The following NFYC variants were observed in gnomAD, a reference collection of about 807,000 sequenced individuals.
The protein encoded by NFYC is nuclear transcription factor Y subunit gamma, also known as CAAT box DNA-binding protein subunit C.
Under a neutral mutation model 53.1 loss-of-function variants are expected in NFYC, and 25 were observed. The observed-to-expected ratio is 0.47, with a 90% CI of 0.34 to 0.66. NFYC has a LOEUF of 0.66. Among genes scored for constraint, NFYC ranks in the 30% least tolerant of loss-of-function variants. The pLI, the probability that NFYC is intolerant of heterozygous loss-of-function variation, is 0.01. For missense variants in NFYC, 260 were observed against 422.7 expected (o/e 0.62, Z 3.38); for synonymous variants, 145 against 152.6 (o/e 0.95, Z 0.37).
chr1:40,703,495 G>A (rs199681565), intron 1 of NFYC, among the ~76,000 whole-genome samples: 1,883 of 36,894 alleles, frequency 0.051, 7 homozygotes, highest in Middle Eastern at 0.083. Context: ...AAAAAAAAAA[G>A]AATATGAAGC....
At chr1:40,704,685 A>G (rs1266096466) in intron 1 of NFYC, among the ~76,000 whole-genome samples, 1 of 152,228 alleles carries the variant, frequency 6.6e-6, no homozygotes, top group Non-Finnish European at 1.5e-5. Flanking sequence ...AGACCTTCAT[A>G]GAGTGTTAAA....
intron 1 of NFYC, among the ~76,000 whole-genome samples, chr1:40,731,597 G>A (rs1272418506): frequency 6.6e-6 from 1 of 152,018 alleles, no homozygotes; most frequent in South Asian, 2.1e-4. Flanking sequence ...CGATTCCCCC[G>A]CCTCAGCCTC....
intron 3 of NFYC, 56 bp downstream of exon 3, chr1:40,747,661 A>T: frequency 8.7e-7 from 1 of 1,145,608 alleles, no homozygotes; most frequent in Non-Finnish European, 1.3e-6. Context: ...TGGGTAGGTT[A>T]TTGCTCATTT....
At chr1:40,752,887 C>A (rs1473373569) in intron 4 of NFYC, among the ~76,000 whole-genome samples, 3 of 152,000 alleles carry the variant, frequency 2.0e-5, no homozygotes, top group Admixed American at 2.0e-4. Context: ...GGGAGAGGAT[C>A]AAGCAGGAGT....
At chr1:40,745,804 A>G (rs368767568) in intron 2 of NFYC, among the ~76,000 whole-genome samples, 1 of 152,172 alleles carries the variant, frequency 6.6e-6, no homozygotes, top group African/African-American at 2.4e-5. Flanking sequence ...GTAGGGGATT[A>G]TAATGTTTTT....
chr1:40,759,581 G>A (rs1468712950), intron 6 of NFYC, among the ~76,000 whole-genome samples: 2 of 146,152 alleles, frequency 1.4e-5, no homozygotes, highest in East Asian at 2.1e-4. Flanking sequence ...GTGTGTATGT[G>A]TGTGTGTATT....
intron 1 of NFYC, among the ~76,000 whole-genome samples, chr1:40,734,560 C>T (rs925197981): frequency 2.0e-5 from 3 of 151,782 alleles, no homozygotes; most frequent in Admixed American, 6.6e-5. Context: ...GAGGTTTCAC[C>T]ATGTTGGCCA....
At chr1:40,739,764 G>A (rs1645240182) in intron 2 of NFYC, among the ~76,000 whole-genome samples, 1 of 152,222 alleles carries the variant, frequency 6.6e-6, no homozygotes, top group African/African-American at 2.4e-5. Flanking sequence ...AAGTCAAGGA[G>A]CACAGAGGAC....
chr1:40,733,535 A>G (rs2148563925), intron 1 of NFYC, among the ~76,000 whole-genome samples: 1 of 150,940 alleles, frequency 6.6e-6, no homozygotes, highest in South Asian at 2.1e-4. Context: ...AATGAAGAGG[A>G]TCCTGGAATG....
intron 1 of NFYC, among the ~76,000 whole-genome samples, chr1:40,694,979 G>T (rs892905389): frequency 6.6e-6 from 1 of 152,124 alleles, no homozygotes; most frequent in Non-Finnish European, 1.5e-5. Flanking sequence ...GAGACTGGGC[G>T]CAGTGGCTCA....
rs1207311984 is a variant in NFYC at position 40,694,649 on chromosome 1, C to CT, written c.-9+2792dup. 5.2e-3 allele frequency among the ~76,000 whole-genome samples: 775 copies of CT among 148,820 alleles called. 5 individuals are homozygous for CT. The highest frequency in any genetic ancestry group is 0.018 in the African/African-American group (731 of 40,628). On this transcript the variant is annotated intron_variant, in intron 1 of 9. Coordinates refer to ENST00000447388, the MANE Select transcript of NFYC (RefSeq NM_014223.5). ...GATAAAAATGAGTGTATATGTACAC[C>CT]TTTTTTTTTTCAGCAGGCATTTCTG...
intron 1 of NFYC, among the ~76,000 whole-genome samples, chr1:40,703,602 C>G (rs1371401688): frequency 6.6e-6 from 1 of 151,894 alleles, no homozygotes; most frequent in African/African-American, 2.4e-5. Flanking sequence ...GCCAGTTTTC[C>G]TCAATCCCTG....
chr1:40,763,855 G>T (rs1174940334), intron 7 of NFYC, among the ~76,000 whole-genome samples: 4 of 152,188 alleles, frequency 2.6e-5, no homozygotes, highest in African/African-American at 9.7e-5. Context: ...CCATGCCAAG[G>T]CCCAAAGGCC....
chr1:40,753,663 T>G (rs918931189), intron 5 of NFYC, among the ~76,000 whole-genome samples: 1 of 152,180 alleles, frequency 6.6e-6, no homozygotes, highest in African/African-American at 2.4e-5. Context: ...TATATTGTGG[T>G]TCATTATATC....
intron 1 of NFYC, among the ~76,000 whole-genome samples, chr1:40,695,926 C>G (rs1643109803): frequency 6.6e-6 from 1 of 151,944 alleles, no homozygotes; most frequent in Non-Finnish European, 1.5e-5. Flanking sequence ...ATATAGCCAC[C>G]CTCATTTTTA....
chr1:40,719,802 A>C (rs894394393), intron 1 of NFYC, among the ~76,000 whole-genome samples: 6 of 152,182 alleles, frequency 3.9e-5, no homozygotes, highest in African/African-American at 1.4e-4. Flanking sequence ...AAGAGCACAG[A>C]ACTGAGAATC....
chr1:40,750,327 T>C (rs1372275131), intron 4 of NFYC, among the ~76,000 whole-genome samples: 1 of 152,174 alleles, frequency 6.6e-6, no homozygotes, highest in Non-Finnish European at 1.5e-5. Context: ...GTGGCAGTAT[T>C]TTAACAATGA....
At chr1:40,755,068 A>C (rs1024562054) in intron 5 of NFYC, among the ~76,000 whole-genome samples, 2 of 152,184 alleles carry the variant, frequency 1.3e-5, no homozygotes, top group Admixed American at 1.3e-4. Flanking sequence ...CAGGCTTCAA[A>C]TTGGCTGGCA....
chr1:40,766,480 C>A, intron 7 of NFYC, 116 bp from the exon 8 acceptor site: 1 of 728,892 alleles, frequency 1.4e-6, no homozygotes, highest in Non-Finnish European at 2.3e-6. Context: ...TCAGGGCAGG[C>A]TTCTTTGGAG....
Sources: allele counts gnomAD v4.1 joint callset (sites outside exome capture counted in the v4.1 genomes callset), GRCh38; gene constraint gnomAD v4.1.1; transcripts MANE v1.5; gene names NCBI Gene and HGNC (gene_info 2026-07-23, HGNC 2026-07-21).